The following VPS50 variants were observed in gnomAD, a reference collection of about 807,000 sequenced individuals.
VPS50 encodes the protein syndetin.
Under a neutral mutation model 139.7 loss-of-function variants are expected in VPS50, and 70 were observed. The observed-to-expected ratio is 0.50, with a 90% CI of 0.41 to 0.61. VPS50 has a LOEUF of 0.61. Ranked by LOEUF, VPS50 falls within the 20% of genes least tolerant of loss-of-function variation. The pLI, the probability that VPS50 is intolerant of heterozygous loss-of-function variation, is 0.00. For missense variants in VPS50, 921 were observed against 1,133.7 expected (o/e 0.81, Z 2.69); for synonymous variants, 365 against 376.7 (o/e 0.97, Z 0.36).
intron 9 of VPS50, 142 bp from the exon 10 acceptor site, chr7:93,271,078 A>G (rs1421185474): frequency 1.5e-5 from 19 of 1,284,742 alleles, no homozygotes; most frequent in East Asian, 9.5e-5. Flanking sequence ...TGCATTGTCT[A>G]TATGTAGAAT....
At chr7:93,301,450 G>T (rs2116963337) in intron 16 of VPS50, among the ~76,000 whole-genome samples, 1 of 152,036 alleles carries the variant, frequency 6.6e-6, no homozygotes. Flanking sequence ...TTACCTTTTT[G>T]GTGTTGTCAT....
chr7:93,251,860 G>A (rs1375395048), intron 2 of VPS50, among the ~76,000 whole-genome samples: 1 of 152,132 alleles, frequency 6.6e-6, no homozygotes, highest in East Asian at 1.9e-4. Context: ...TGTCTATAAT[G>A]TCTTGATTAA....
Position 93,272,631 on chromosome 7 carries a change from A to C in VPS50, c.703-4A>C, listed in dbSNP as rs765929986. On this transcript the variant is annotated splice_polypyrimidine_tract_variant and splice_region_variant and intron_variant, in intron 10 of 27. Transcript: ENST00000305866. ...ATGTCTTGCTTCTTCTTTTAATTAT[A>C]TAGGAACAGCTGGACGTAGCTCTTT... 5 of 1,355,240 alleles carry C rather than the reference A, an allele frequency of 3.7e-6. No individual in the cohort carries two copies. In the African/African-American group the frequency reaches 6.0e-5, roughly 16 times the overall value. 84.0% of individuals were successfully genotyped at this position (1,355,240 alleles called of 1,614,324 possible).
chr7:93,324,782 T>A (rs1797720398), intron 21 of VPS50, among the ~76,000 whole-genome samples: 2 of 151,924 alleles, frequency 1.3e-5, no homozygotes, highest in Admixed American at 1.3e-4. Flanking sequence ...CACTGCTCAA[T>A]GAAATAAAAG....
rs191376387 is a variant in VPS50, at chr7:93,359,938, G to A, written c.*1502G>A. ...ACTGTCAATTTAAAACTTTCCTCTT[G>A]TAAAAAGGTATGAGTTTGGTGCCAT... On this transcript the variant is annotated 3_prime_UTR_variant, in exon 28 of 28. Coordinates refer to ENST00000305866, the MANE Select transcript of VPS50 (RefSeq NM_017667.4). 6.6e-6 allele frequency: 1 copy of A among 152,066 alleles called. No homozygotes were observed. Among genetic ancestry groups the A allele is most frequent in the Non-Finnish European group, 1.5e-5 (1 of 68,004 alleles). The allele number at this position is 152,066 out of a possible 1,614,324, so 9.4% of individuals were successfully genotyped here.
rs1798787449 is a variant in VPS50 at position 93,359,248 on chromosome 7, TTTTGGTCTCTTTAAATTCAGA to T, written c.*816_*836del. The T allele has an allele frequency of 3.3e-5, 5 of 152,186 alleles. No homozygotes were observed. The South Asian group carries it at 1.0e-3, about 32-fold the overall frequency. The allele number at this position is 152,186 out of a possible 1,614,324, so 9.4% of individuals were successfully genotyped here. Reference sequence around the variant, plus strand: ...AAATATGTGGTTTTTTTGTTGAAAGTTTTGGTCTCTTTAAATTCAGATTTTGTCTTAGGACAGTAAAACCCA... The same window carrying T: ...AAATATGTGGTTTTTTTGTTGAAAGTTTTTGTCTTAGGACAGTAAAACCCA... On this transcript the variant is annotated 3_prime_UTR_variant, in exon 28 of 28. Coordinates refer to ENST00000305866, the MANE Select transcript of VPS50 (RefSeq NM_017667.4).
chr7:93,232,395 A>G lies in VPS50; in HGVS notation c.-73A>G. ...CCACCCACTATGGCTTCCTAGTGTC[A>G]GGGCCAGCTGTGTAGTGGCTCGGTG... On this transcript the variant is annotated 5_prime_UTR_variant, in exon 1 of 28. Coordinates refer to ENST00000305866, the MANE Select transcript of VPS50 (RefSeq NM_017667.4). 7.6e-7 allele frequency: 1 copy of G among 1,316,094 alleles called. No individual in the cohort carries two copies. The highest frequency in any genetic ancestry group is 1.1e-6 in the Non-Finnish European group (1 of 909,790). 81.5% of individuals were successfully genotyped at this position (1,316,094 alleles called of 1,614,324 possible).
intron 21 of VPS50, among the ~76,000 whole-genome samples, chr7:93,326,551 G>C (rs1488594471): frequency 6.6e-6 from 1 of 151,156 alleles, no homozygotes; most frequent in Non-Finnish European, 1.5e-5. Flanking sequence ...TTGAAAATCT[G>C]AACTGAGCCA....
rs180799215 is a variant in VPS50, at chr7:93,332,105, A to G, written c.1978-2012A>G. Reference sequence around the variant, plus strand: ...GTTTGTGGAGCCTTAGTCTGCTCCAACTTCCATAGCAGAATAGCATAGACT... The same window carrying G: ...GTTTGTGGAGCCTTAGTCTGCTCCAGCTTCCATAGCAGAATAGCATAGACT... On this transcript the variant is annotated intron_variant, in intron 21 of 27. Coordinates refer to ENST00000305866, the MANE Select transcript of VPS50 (RefSeq NM_017667.4). Among the ~76,000 whole-genome samples the G allele has an allele frequency of 3.2e-3, 485 of 152,324 alleles. 5 individuals carry two copies. Among genetic ancestry groups the G allele is most frequent in the African/African-American group, 0.011 (461 of 41,576 alleles).
chr7:93,307,123 A>G (rs1050621541), intron 18 of VPS50, among the ~76,000 whole-genome samples: 1 of 151,952 alleles, frequency 6.6e-6, no homozygotes, highest in Non-Finnish European at 1.5e-5. Context: ...TGCTGTGAAT[A>G]CTAAATTAGC....
chr7:93,262,807 T>C (rs1795725694), intron 9 of VPS50, among the ~76,000 whole-genome samples: 3 of 152,188 alleles, frequency 2.0e-5, no homozygotes. Context: ...CCAGCCACCA[T>C]TCACCTGCCT....
chr7:93,357,565 A>G (rs908714796), intron 27 of VPS50, among the ~76,000 whole-genome samples: 5 of 152,140 alleles, frequency 3.3e-5, no homozygotes, highest in African/African-American at 7.2e-5. Flanking sequence ...TCTTTCTCCT[A>G]TTTTGAAATT....
At chr7:93,330,761 C>CAAAA (rs57338525) in intron 21 of VPS50, among the ~76,000 whole-genome samples, 1,139 of 81,608 alleles carry the variant, frequency 0.014, 31 homozygotes, top group Admixed American at 0.017. Flanking sequence ...GACCCTGTCT[C>CAAAA]AAAAAAAAAA....
rs763125093 is a variant in VPS50, at chr7:93,258,294, A to G, written c.540+18A>G. On this transcript the variant is annotated intron_variant, in intron 7 of 27. Coordinates refer to ENST00000305866, the MANE Select transcript of VPS50 (RefSeq NM_017667.4). ...AAACATTGGTATATATGGGTCATTTAAAAAAATTAAAACTGAATTTTGTGG... is the reference window on the plus strand; with the variant it reads ...AAACATTGGTATATATGGGTCATTTGAAAAAATTAAAACTGAATTTTGTGG... The G allele has an allele frequency of 2.5e-5, 40 of 1,581,344 alleles. No individual in the cohort carries two copies. The highest frequency in any genetic ancestry group is 8.7e-6 in the Non-Finnish European group (10 of 1,151,202).
At chr7:93,306,072 C>T (rs1236190615) in intron 18 of VPS50, 68 bp downstream of exon 18, 1 of 1,123,326 alleles carries the variant, frequency 8.9e-7, no homozygotes, top group African/African-American at 1.6e-5. Flanking sequence ...ATGAACAAGG[C>T]AATTCACTAC....
intron 16 of VPS50, among the ~76,000 whole-genome samples, chr7:93,300,792 GA>G (rs1344227867): frequency 6.6e-6 from 1 of 151,120 alleles, no homozygotes; most frequent in Non-Finnish European, 1.5e-5. Context: ...TACTAACTGA[GA>G]AAAATATATA....
intron 22 of VPS50, among the ~76,000 whole-genome samples, chr7:93,335,590 CTTTTT>C (rs1053839541): frequency 6.6e-6 from 1 of 151,880 alleles, no homozygotes; most frequent in Non-Finnish European, 1.5e-5. Context: ...TTTTTCTTTT[CTTTTT>C]TGTTTTTAGT....
intron 14 of VPS50, among the ~76,000 whole-genome samples, chr7:93,296,255 A>T (rs1447193393): frequency 5.3e-5 from 8 of 152,130 alleles, no homozygotes; most frequent in Non-Finnish European, 1.0e-4. Context: ...TTAAACTCAT[A>T]ACCATATTAA....
At chr7:93,275,578 A>G (rs1205322439) in intron 11 of VPS50, among the ~76,000 whole-genome samples, 1 of 152,202 alleles carries the variant, frequency 6.6e-6, no homozygotes, top group Non-Finnish European at 1.5e-5. Flanking sequence ...TTTTAAAGAC[A>G]TAATGCTATT....
Sources: allele counts gnomAD v4.1 joint callset (sites outside exome capture counted in the v4.1 genomes callset), GRCh38; gene constraint gnomAD v4.1.1; transcripts MANE v1.5; gene names NCBI Gene and HGNC (gene_info 2026-07-23, HGNC 2026-07-21).